The following CDIN1 variants were observed in gnomAD, a reference collection of about 807,000 sequenced individuals.
CDIN1 encodes CDAN1 interacting nuclease 1.
A neutral mutation model predicts 45.3 loss-of-function variants in CDIN1; 33 were observed. That is an observed-to-expected ratio of 0.73 (90% CI 0.55 to 0.97). The LOEUF (loss-of-function observed/expected upper bound fraction) is 0.97, where lower values mean the gene tolerates loss of function less well. CDIN1 is among the 50% of genes least tolerant of loss of function. The pLI is 0.00. For synonymous variants in CDIN1, 118 were observed against 124.4 expected (o/e 0.95, Z 0.34); for missense variants, 303 against 339.4 (o/e 0.89, Z 0.84).
chr15:36,626,951 AC>A, intron 1 of CDIN1: 1 of 190,414 alleles, frequency 5.3e-6, no homozygotes. Flanking sequence ...AGGCTTGATG[AC>A]CTCATCCATG....
chr15:36,742,831 C>T (rs72708603), intron 10 of CDIN1, among the ~76,000 whole-genome samples: 24,400 of 152,124 alleles, frequency 0.16, 2,389 homozygotes, highest in East Asian at 0.29. Context: ...CCTCAGTAAG[C>T]TCATGGTCTT....
At chr15:36,728,365 G>A (rs1275701329) in intron 10 of CDIN1, among the ~76,000 whole-genome samples, 1 of 152,084 alleles carries the variant, frequency 6.6e-6, no homozygotes, top group Non-Finnish European at 1.5e-5. Flanking sequence ...TGCCCTGGAA[G>A]AGCAGACATT....
intron 1 of CDIN1, among the ~76,000 whole-genome samples, chr15:36,626,116 G>T (rs974698805): frequency 3.3e-5 from 5 of 150,988 alleles, no homozygotes; most frequent in African/African-American, 1.2e-4. Flanking sequence ...AAAATTGCAT[G>T]TATTAAATAT....
intron 10 of CDIN1, among the ~76,000 whole-genome samples, chr15:36,756,886 A>T (rs993198323): frequency 1.6e-4 from 24 of 152,202 alleles, no homozygotes; most frequent in Non-Finnish European, 2.9e-4. Flanking sequence ...TTTGACATGG[A>T]CAGCCTTCAC....
At chr15:36,731,237 A>G (rs993611121) in intron 10 of CDIN1, among the ~76,000 whole-genome samples, 3 of 152,094 alleles carry the variant, frequency 2.0e-5, no homozygotes, top group Non-Finnish European at 2.9e-5. Flanking sequence ...CTCATTTATC[A>G]CTCATATATA....
chr15:36,760,193 G>A (rs2053721031), intron 10 of CDIN1, among the ~76,000 whole-genome samples: 1 of 152,086 alleles, frequency 6.6e-6, no homozygotes, highest in Non-Finnish European at 1.5e-5. Flanking sequence ...TATTTAGGAG[G>A]TCAACATAAA....
At chr15:36,613,476 C>T (rs1201234399) in intron 1 of CDIN1, 2 of 1,550,602 alleles carry the variant, frequency 1.3e-6, no homozygotes, top group African/African-American at 1.4e-5. Flanking sequence ...GGCACCATGG[C>T]TGGGATCACC....
intron 10 of CDIN1, among the ~76,000 whole-genome samples, chr15:36,774,902 A>T (rs1010931709): frequency 6.6e-6 from 1 of 152,226 alleles, no homozygotes; most frequent in African/African-American, 2.4e-5. Context: ...GCTCTTTATC[A>T]TAGAAAGCAA....
intron 3 of CDIN1, among the ~76,000 whole-genome samples, chr15:36,650,650 G>A (rs1348578722): frequency 3.3e-5 from 5 of 151,968 alleles, no homozygotes; most frequent in African/African-American, 4.8e-5. Flanking sequence ...ACCATGCTGT[G>A]CAGGGAGGTC....
intron 10 of CDIN1, among the ~76,000 whole-genome samples, chr15:36,714,829 G>T (rs551026034): frequency 4.0e-4 from 61 of 152,288 alleles, no homozygotes; most frequent in South Asian, 2.7e-3. Flanking sequence ...GGCCCTCCAG[G>T]CCCTGGGAAT....
rs1215691128 is a variant in CDIN1, at chr15:36,809,311, G to A, written c.*858G>A. ...ACGTGAGCTAGTATTTTTATGAGTC[G>A]AGTTTTTTAAAGGCACATTCTGTAT... is the stretch of plus-strand genomic sequence containing the variant. On this transcript the variant is annotated 3_prime_UTR_variant, in exon 11 of 11. Transcript: ENST00000566621. 1 of 187,186 alleles carries A rather than the reference G, an allele frequency of 5.3e-6. No individual in the cohort carries two copies. The highest frequency in any genetic ancestry group is 1.1e-5 in the Non-Finnish European group (1 of 88,878). The allele number at this position is 187,186 out of a possible 1,614,324, so 11.6% of individuals were successfully genotyped here.
intron 5 of CDIN1, among the ~76,000 whole-genome samples, chr15:36,667,019 C>T (rs891641179): frequency 6.6e-6 from 1 of 152,100 alleles, no homozygotes; most frequent in Non-Finnish European, 1.5e-5. Context: ...GCAGGTCATG[C>T]AGTGAGCAGT....
intron 1 of CDIN1, among the ~76,000 whole-genome samples, chr15:36,637,943 G>C (rs1595401543): frequency 6.6e-6 from 1 of 152,100 alleles, no homozygotes; most frequent in Admixed American, 6.6e-5. Flanking sequence ...ATCAGAAGTG[G>C]CTCATTTGTG....
chr15:36,646,691 CATT>C (rs2040344842), intron 3 of CDIN1, among the ~76,000 whole-genome samples: 1 of 152,148 alleles, frequency 6.6e-6, no homozygotes, highest in Non-Finnish European at 1.5e-5. Context: ...TGTTTGTAAA[CATT>C]ATAGTCCTAG....
At chr15:36,773,580 C>G (rs2054133938) in intron 10 of CDIN1, among the ~76,000 whole-genome samples, 1 of 152,148 alleles carries the variant, frequency 6.6e-6, no homozygotes, top group African/African-American at 2.4e-5. Flanking sequence ...CAGAGAAGAT[C>G]ACTCAACTCA....
intron 5 of CDIN1, among the ~76,000 whole-genome samples, chr15:36,686,505 C>A (rs1402454050): frequency 4.8e-5 from 7 of 144,942 alleles, no homozygotes; most frequent in Non-Finnish European, 9.0e-5. Context: ...CACATGTATA[C>A]ATATGTAACT....
chr15:36,681,561 C>G (rs1447904282), intron 5 of CDIN1, among the ~76,000 whole-genome samples: 1 of 152,084 alleles, frequency 6.6e-6, no homozygotes. Flanking sequence ...CATGAAACAA[C>G]TAATTCCAAG....
At chr15:36,671,823 G>T (rs569439405) in intron 5 of CDIN1, among the ~76,000 whole-genome samples, 1 of 152,166 alleles carries the variant, frequency 6.6e-6, no homozygotes, top group East Asian at 1.9e-4. Flanking sequence ...CCTATAGCAG[G>T]TGTGTTTGAC....
At chr15:36,782,158 T>C (rs1452341859) in intron 10 of CDIN1, among the ~76,000 whole-genome samples, 1 of 152,210 alleles carries the variant, frequency 6.6e-6, no homozygotes, top group Non-Finnish European at 1.5e-5. Flanking sequence ...TTAATGAATA[T>C]TGAAAAATTC....
Sources: gnomAD v4.1 joint callset for allele counts (sites outside exome capture counted in the v4.1 genomes callset) on GRCh38, gnomAD v4.1.1 for gene constraint, MANE v1.5 for transcripts, NCBI Gene and HGNC (gene_info 2026-07-23, HGNC 2026-07-21) for gene names.